CDC37L1: variants seen among roughly 807,000 people sequenced by gnomAD.
CDC37L1 encodes the protein hsp90 co-chaperone Cdc37-like 1.
A neutral mutation model predicts 45.9 loss-of-function variants in CDC37L1; 32 were observed. The observed-to-expected ratio is 0.70, with a 90% CI of 0.53 to 0.94. The LOEUF (loss-of-function observed/expected upper bound fraction) is 0.94. Among genes scored for constraint, CDC37L1 ranks in the 40% least tolerant of loss-of-function variants. The pLI, the probability that CDC37L1 is intolerant of heterozygous loss-of-function variation, is 0.00. For synonymous variants in CDC37L1, 150 were observed against 133.0 expected (o/e 1.13, Z -0.88); for missense variants, 434 against 405.7 (o/e 1.07, Z -0.60).
Position 4,706,044 on chromosome 9 carries a change from G to C in CDC37L1, c.946G>C (p.Ala316Pro). 6.3e-7 allele frequency: 1 copy of C among 1,598,424 alleles called. No homozygotes were observed. The highest frequency in any genetic ancestry group is 8.6e-7 in the Non-Finnish European group (1 of 1,166,092). Residue 316 changes from alanine to proline, a missense_variant, in exon 7 of 7, where the codon GCT (alanine) becomes CCT (proline). Coordinates refer to ENST00000381854, the MANE Select transcript of CDC37L1 (RefSeq NM_017913.4). ...PDYLQYSISTALCSLNSVVHK... is the reference protein window; with the variant it reads ...PDYLQYSISTPLCSLNSVVHK... Reference sequence around the variant, plus strand: ...TTATCTTCAGTATTCTATCAGTACAGCTCTCTGCAGCTTAAACTCGGTGGT... The same window carrying C: ...TTATCTTCAGTATTCTATCAGTACACCTCTCTGCAGCTTAAACTCGGTGGT...
intron 2 of CDC37L1, among the ~76,000 whole-genome samples, chr9:4,686,430 A>G (rs781176754): frequency 6.6e-6 from 1 of 152,100 alleles, no homozygotes; most frequent in East Asian, 1.9e-4. Flanking sequence ...CTATATCTGT[A>G]TATATTGTTT....
At chr9:4,701,814 C>G (rs762857645) in intron 5 of CDC37L1, 50 bp from the exon 6 acceptor site, 1 of 1,402,550 alleles carries the variant, frequency 7.1e-7, no homozygotes, top group Non-Finnish European at 9.8e-7. Flanking sequence ...TTTACTATGT[C>G]TAGAAATCTT....
intron 3 of CDC37L1, among the ~76,000 whole-genome samples, chr9:4,693,465 T>TTAA (rs533322537): frequency 1.3e-5 from 2 of 151,412 alleles, no homozygotes; most frequent in Non-Finnish European, 1.5e-5. Context: ...AATAAATTAA[T>TTAA]TAATAATAAT....
chr9:4,706,084 A>T lies in CDC37L1; in HGVS notation c.986A>T (p.Asp329Val), dbSNP rs1243418194. ...AACTCGGTGGTACATAAAGAAGATGATGAACCCAAAATGATGGACACTGTA... is the reference window on the plus strand; with the variant it reads ...AACTCGGTGGTACATAAAGAAGATGTTGAACCCAAAATGATGGACACTGTA... Reference protein sequence around the residue: ...SLNSVVHKEDDEPKMMDTV With the variant: ...SLNSVVHKEDVEPKMMDTV Residue 329 changes from aspartate to valine, a missense_variant, in exon 7 of 7, where the codon GAT becomes GTT. Physicochemically the swap from Asp to Val is radical, Grantham distance 152. Transcript: ENST00000381854. 11 of 1,596,100 alleles carry T rather than the reference A, an allele frequency of 6.9e-6. No individual in the cohort carries two copies. Among genetic ancestry groups the T allele is most frequent in the Non-Finnish European group, 8.6e-6 (10 of 1,163,776 alleles).
intron 3 of CDC37L1, among the ~76,000 whole-genome samples, chr9:4,696,662 C>T (rs1841350661): frequency 1.3e-5 from 2 of 151,938 alleles, no homozygotes; most frequent in South Asian, 4.2e-4. Flanking sequence ...ATTTGGATTT[C>T]TTTGACACCT....
chr9:4,702,906 A>AAAAAAAAAAAAAAAAAAAAAT, intron 6 of CDC37L1, among the ~76,000 whole-genome samples: 1 of 150,912 alleles, frequency 6.6e-6, no homozygotes, highest in Non-Finnish European at 1.5e-5. Context: ...AAAAAAAAAA[A>AAAAAAAAAAAAAAAAAAAAAT]AAAAAAATCA....
Position 4,692,549 on chromosome 9 carries a change from C to T in CDC37L1, c.508+3943C>T, listed in dbSNP as rs548411857. On this transcript the variant is annotated intron_variant, in intron 3 of 6. Transcript: ENST00000381854. The stretch of plus-strand genomic sequence containing the variant: ...CCTCTCAAAGTGCTGGGATTACAGG[C>T]GTGAGCCACCACTCTGAGCCTTAAT... Among the ~76,000 whole-genome samples, 20 of 152,188 alleles carry T rather than the reference C, an allele frequency of 1.3e-4. No homozygotes were observed. In the South Asian group the frequency reaches 2.1e-3, roughly 16 times the overall value.
At chr9:4,686,468 G>T (rs546941713) in intron 2 of CDC37L1, among the ~76,000 whole-genome samples, 2 of 152,134 alleles carry the variant, frequency 1.3e-5, no homozygotes, top group South Asian at 2.1e-4. Flanking sequence ...GTTATTTTCT[G>T]TTCTGCATTT....
intron 3 of CDC37L1, among the ~76,000 whole-genome samples, chr9:4,695,662 T>G (rs1371622849): frequency 6.6e-6 from 1 of 152,094 alleles, no homozygotes; most frequent in Non-Finnish European, 1.5e-5. Context: ...GCCCAGCTAA[T>G]TTTTAAGCTT....
At chr9:4,702,861 C>G (rs867288560) in intron 6 of CDC37L1, among the ~76,000 whole-genome samples, 1 of 142,332 alleles carries the variant, frequency 7.0e-6, no homozygotes, top group Non-Finnish European at 1.5e-5. Context: ...TGCACTCCAG[C>G]CTGGGCGACA....
At chr9:4,702,087 A>G in intron 6 of CDC37L1, 59 bp downstream of exon 6, 1 of 836,076 alleles carries the variant, frequency 1.2e-6, no homozygotes, top group Non-Finnish European at 1.7e-6. Context: ...AATTTTTGTT[A>G]TTTTGCCCCA....
chr9:4,691,364 C>A (rs899768362), intron 3 of CDC37L1, among the ~76,000 whole-genome samples: 1 of 152,100 alleles, frequency 6.6e-6, no homozygotes, highest in Non-Finnish European at 1.5e-5. Flanking sequence ...GTGTTGTTCC[C>A]CTTTATGTGT....
At position 4,706,140 on chromosome 9, in the gene CDC37L1, C is replaced by A; in HGVS notation, c.*28C>A. On this transcript the variant is annotated 3_prime_UTR_variant, in exon 7 of 7. Coordinates refer to ENST00000381854, the MANE Select transcript of CDC37L1 (RefSeq NM_017913.4). ...TGGTTAAGACTGCTGAGGCCAAGTG[C>A]TATTTTGTTACAAGAAAGGAAGAAC... 1.9e-6 allele frequency: 2 copies of A among 1,074,370 alleles called. No individual in the cohort carries two copies. The highest frequency in any genetic ancestry group is 2.9e-6 in the Non-Finnish European group (2 of 692,418). 66.6% of individuals were successfully genotyped at this position (1,074,370 alleles called of 1,614,324 possible). A position where few individuals can be genotyped will look rare whatever the true frequency, so the allele number is the denominator to read the frequency against.
intron 6 of CDC37L1, among the ~76,000 whole-genome samples, chr9:4,704,954 T>C (rs1322376088): frequency 6.6e-6 from 1 of 152,162 alleles, no homozygotes; most frequent in African/African-American, 2.4e-5. Context: ...TGAAGCCCAG[T>C]GTGAGTGTCC....
At chr9:4,682,736 G>C (rs1563766599) in intron 1 of CDC37L1, among the ~76,000 whole-genome samples, 1 of 151,908 alleles carries the variant, frequency 6.6e-6, no homozygotes, top group African/African-American at 2.4e-5. Flanking sequence ...GCCTCCCAAA[G>C]TGCTGGGATT....
intron 4 of CDC37L1, 149 bp downstream of exon 4, chr9:4,697,360 T>G (rs116076233): frequency 1.6e-6 from 1 of 607,672 alleles, no homozygotes. Flanking sequence ...TGCTTCCAGA[T>G]CTACTTGAGT....
At position 4,679,604 on chromosome 9, in the gene CDC37L1, C is replaced by G. The variant is rs114330094; in HGVS notation, c.-164C>G. The G allele has an allele frequency of 2.2e-5, 13 of 600,742 alleles. No homozygotes were observed. Among genetic ancestry groups the G allele is most frequent in the Admixed American group, 1.8e-4 (5 of 28,196 alleles). The allele number at this position is 600,742 out of a possible 1,614,324, so 37.2% of individuals were successfully genotyped here. ...CCGCCGGTGGCGAGGCCCAGGCTGT[C>G]GCCGGGTGTGCAGCGGCGTCGCGGC... On this transcript the variant is annotated 5_prime_UTR_variant, in exon 1 of 7. Transcript: ENST00000381854.
At chr9:4,703,162 G>A in intron 6 of CDC37L1, 1 of 1,491,776 alleles carries the variant, frequency 6.7e-7, no homozygotes, top group Admixed American at 2.3e-5. Context: ...TTATTCAAAA[G>A]ACAATGTGAG....
At position 4,708,082 on chromosome 9, in the gene CDC37L1, T is replaced by C. The variant is rs1841463217; in HGVS notation, c.*1970T>C. ...TTGAGTATGAAAGTGTGATTGGGTC[T>C]GTTGTGGGAACCACTGACTGATGCC... On this transcript the variant is annotated 3_prime_UTR_variant, in exon 7 of 7. Transcript: ENST00000381854. 1 of 152,258 alleles carries C rather than the reference T, an allele frequency of 6.6e-6. No individual in the cohort carries two copies. Among genetic ancestry groups the C allele is most frequent in the Non-Finnish European group, 1.5e-5 (1 of 68,042 alleles). 9.4% of individuals were successfully genotyped at this position (152,258 alleles called of 1,614,324 possible).
Sources: gnomAD v4.1 joint callset for allele counts (sites outside exome capture counted in the v4.1 genomes callset) on GRCh38, gnomAD v4.1.1 for gene constraint, MANE v1.5 for transcripts, NCBI Gene and HGNC (gene_info 2026-07-23, HGNC 2026-07-21) for gene names.